Variants in ABCC9 observed in about 807,000 individuals in gnomAD.
ABCC9 encodes ATP binding cassette subfamily C member 9, also known as ATP-binding cassette sub-family C member 9.
A neutral mutation model predicts 188.3 loss-of-function variants in ABCC9; 95 were observed. That is an observed-to-expected ratio of 0.50 (90% CI 0.43 to 0.60). The LOEUF is 0.60. Among genes scored for constraint, ABCC9 ranks in the 20% least tolerant of loss-of-function variants. The pLI is 0.00. For missense variants in ABCC9, 1,102 were observed against 1,876.3 expected (o/e 0.59, Z 7.62); for synonymous variants, 659 against 652.7 (o/e 1.01, Z -0.15).
chr12:21,877,080 T>C (rs1283237748), intron 16 of ABCC9, among the ~76,000 whole-genome samples: 1 of 152,210 alleles, frequency 6.6e-6, no homozygotes, highest in East Asian at 1.9e-4. Context: ...TAAATATGGC[T>C]GATCATCCTC....
At chr12:21,832,441 A>G (rs779489110) in intron 30 of ABCC9, among the ~76,000 whole-genome samples, 9 of 152,142 alleles carry the variant, frequency 5.9e-5, no homozygotes, top group Non-Finnish European at 1.0e-4. Flanking sequence ...GGATTCTAGA[A>G]TTTTATCCAT....
intron 4 of ABCC9, among the ~76,000 whole-genome samples, chr12:21,929,780 T>A (rs772593208): frequency 5.3e-5 from 8 of 152,176 alleles, no homozygotes; most frequent in Non-Finnish European, 1.0e-4. Flanking sequence ...CTTTCTTCAT[T>A]ATAAAATTTT....
intron 30 of ABCC9, among the ~76,000 whole-genome samples, chr12:21,833,535 G>C (rs1488932974): frequency 6.6e-6 from 1 of 151,932 alleles, no homozygotes; most frequent in African/African-American, 2.4e-5. Flanking sequence ...CTTGACTCTT[G>C]GTCAATTTCC....
At chr12:21,843,967 T>C (rs1389793985) in intron 28 of ABCC9, among the ~76,000 whole-genome samples, 6 of 152,222 alleles carry the variant, frequency 3.9e-5, no homozygotes, top group African/African-American at 1.4e-4. Flanking sequence ...CAGAGTTTGA[T>C]GTCTTTTATT....
intron 32 of ABCC9, 84 bp from the exon 33 acceptor site, chr12:21,817,391 A>C (rs1942715899): frequency 7.5e-7 from 1 of 1,339,588 alleles, no homozygotes; most frequent in Admixed American, 1.8e-5. Flanking sequence ...GGAACGAGAT[A>C]ACTTGGACCA....
intron 31 of ABCC9, among the ~76,000 whole-genome samples, chr12:21,824,196 A>G (rs964118874): frequency 1.3e-5 from 2 of 152,194 alleles, no homozygotes; most frequent in Non-Finnish European, 2.9e-5. Flanking sequence ...CGTTTTTAGC[A>G]TGAAGGGGTG....
At chr12:21,929,972 A>C (rs1305404480) in intron 4 of ABCC9, among the ~76,000 whole-genome samples, 1 of 135,978 alleles carries the variant, frequency 7.4e-6, no homozygotes, top group Admixed American at 7.3e-5. Context: ...TCCTAATGCT[A>C]TCCCTCCCCC....
chr12:21,827,673 C>G (rs1463510803), intron 31 of ABCC9, among the ~76,000 whole-genome samples: 1 of 152,056 alleles, frequency 6.6e-6, no homozygotes, highest in Non-Finnish European at 1.5e-5. Flanking sequence ...CTAAGTAACA[C>G]TTCACTTGCC....
chr12:21,920,554 T>C (rs1445781837), intron 5 of ABCC9, among the ~76,000 whole-genome samples: 1 of 152,100 alleles, frequency 6.6e-6, no homozygotes, highest in African/African-American at 2.4e-5. Flanking sequence ...ATTTATCCTT[T>C]CTGTTAAAAA....
chr12:21,939,727 G>A lies in ABCC9; in HGVS notation c.-21+983C>T, dbSNP rs149718029. 2.3e-3 allele frequency among the ~76,000 whole-genome samples: 353 copies of A among 152,260 alleles called. 1 individual carries two copies. Among genetic ancestry groups the A allele is most frequent in the South Asian group, 7.5e-3 (36 of 4,824 alleles). ...ATAAGCCATCGAAATATGCTCAGTT[G>A]TTTATGAGAGGTGATAGAGTTGGAG... On this transcript the variant is annotated intron_variant, in intron 2 of 39. Transcript: ENST00000261200.
At chr12:21,828,116 C>T (rs1279906491) in intron 31 of ABCC9, among the ~76,000 whole-genome samples, 1 of 152,158 alleles carries the variant, frequency 6.6e-6, no homozygotes, top group Non-Finnish European at 1.5e-5. Context: ...TCAAAACCGG[C>T]AAATACCTAT....
At chr12:21,902,603 A>C (rs1275468671) in intron 12 of ABCC9, among the ~76,000 whole-genome samples, 1 of 152,244 alleles carries the variant, frequency 6.6e-6, no homozygotes, top group Non-Finnish European at 1.5e-5. Flanking sequence ...AATAATGATA[A>C]AGGGGATATC....
At chr12:21,809,802 TA>T in intron 37 of ABCC9, 49 bp downstream of exon 37, 2 of 1,075,530 alleles carry the variant, frequency 1.9e-6, no homozygotes. Flanking sequence ...TAGACATATG[TA>T]GGATTAATGG....
intron 18 of ABCC9, among the ~76,000 whole-genome samples, chr12:21,870,722 T>C (rs1339306886): frequency 6.6e-6 from 1 of 152,222 alleles, no homozygotes; most frequent in Middle Eastern, 3.2e-3. Flanking sequence ...TTTCTGTCTA[T>C]TACAACTTCA....
chr12:21,872,798 A>T (rs1469643283), intron 17 of ABCC9, 68 bp from the exon 18 acceptor site: 15 of 1,231,948 alleles, frequency 1.2e-5, no homozygotes, highest in Admixed American at 5.1e-5. Context: ...ATCAAAACAC[A>T]TTTAGAAAAA....
chr12:21,810,035 C>A, intron 36 of ABCC9, 80 bp from the exon 37 acceptor site: 2 of 896,602 alleles, frequency 2.2e-6, no homozygotes, highest in Non-Finnish European at 3.6e-6. Flanking sequence ...GCTTTTCTTT[C>A]CTTACAATGT....
chr12:21,845,589 C>T lies in ABCC9; in HGVS notation c.3096+14G>A, dbSNP rs376392187. 61 of 1,607,774 alleles carry T rather than the reference C, an allele frequency of 3.8e-5. No individual in the cohort carries two copies. Among genetic ancestry groups the T allele is most frequent in the African/African-American group, 6.7e-5 (5 of 74,706 alleles). On this transcript the variant is annotated intron_variant, in intron 26 of 39. Transcript: ENST00000261200. ...TTCCTTGATGATTTAAAAACAAAAC[C>T]GAACCAATTGTACCTGATCAGCTTT...
intron 31 of ABCC9, chr12:21,827,319 G>T: frequency 2.0e-6 from 2 of 985,340 alleles, no homozygotes; most frequent in Non-Finnish European, 2.4e-6. Context: ...AAGTGCTAAA[G>T]AGCAGAAACA....
In ABCC9 at chr12:21,940,815, A is replaced by T. The variant is rs778905864; in HGVS notation, c.-126T>A. ...CTTAAGATGTAAATTTCAAACCCGG[A>T]CGCAGAACTCCTAAAAAAAAGTAAA... is the stretch of plus-strand genomic sequence containing the variant. On this transcript the variant is annotated 5_prime_UTR_variant, in exon 2 of 40. Coordinates refer to ENST00000261200, the MANE Select transcript of ABCC9 (RefSeq NM_020297.4). 6.6e-6 allele frequency: 1 copy of T among 152,212 alleles called. No individual in the cohort carries two copies. The highest frequency in any genetic ancestry group is 1.5e-5 in the Non-Finnish European group (1 of 68,036). The allele number at this position is 152,212 out of a possible 1,614,324, so 9.4% of individuals were successfully genotyped here.
Sources: allele counts gnomAD v4.1 joint callset (sites outside exome capture counted in the v4.1 genomes callset), GRCh38; gene constraint gnomAD v4.1.1; transcripts MANE v1.5; gene names NCBI Gene and HGNC (gene_info 2026-07-23, HGNC 2026-07-21).